The following PACS1 variants were observed in gnomAD, a reference collection of about 807,000 sequenced individuals.
PACS1 encodes PACS-1.
Under a neutral mutation model 115.0 loss-of-function variants are expected in PACS1, and 24 were observed. The observed-to-expected ratio is 0.21, with a 90% CI of 0.15 to 0.29. The LOEUF is 0.29. Among genes scored for constraint, PACS1 ranks in the 10% least tolerant of loss-of-function variants. PACS1 has a pLI of 1.00. For missense variants in PACS1, 838 were observed against 1,251.2 expected (o/e 0.67, Z 4.98); for synonymous variants, 453 against 504.5 (o/e 0.90, Z 1.37).
At chr11:66,217,998 G>A (rs1855252853) in intron 7 of PACS1, 1 of 175,862 alleles carries the variant, frequency 5.7e-6, no homozygotes, top group African/African-American at 2.4e-5. Context: ...TCCCCCAGAG[G>A]TGTTTCTTTT....
chr11:66,197,945 A>G (rs1327575586), intron 2 of PACS1, among the ~76,000 whole-genome samples: 2 of 152,262 alleles, frequency 1.3e-5, no homozygotes, highest in African/African-American at 2.4e-5. Flanking sequence ...TTGAGTCCAA[A>G]ATAGGAATGA....
In PACS1 at chr11:66,171,353, G is replaced by C. The variant is rs183981367; in HGVS notation, c.357-22133G>C. Among the ~76,000 whole-genome samples the C allele has an allele frequency of 2.7e-5, 4 of 150,146 alleles. No individual in the cohort carries two copies. The East Asian group carries it at 7.7e-4, about 29-fold the overall frequency. On this transcript the variant is annotated intron_variant, in intron 1 of 23. Coordinates refer to ENST00000320580, the MANE Select transcript of PACS1 (RefSeq NM_018026.4). ...AATCTTATGAAGAACATATAAGTAG[G>C]TTTTGTTTTATAAATCTAATCTATA...
intron 10 of PACS1, among the ~76,000 whole-genome samples, chr11:66,226,888 G>T (rs933357769): frequency 5.9e-5 from 9 of 152,172 alleles, no homozygotes; most frequent in African/African-American, 1.9e-4. Flanking sequence ...CGAAAATCTG[G>T]TTATGTGTCT....
intron 1 of PACS1, among the ~76,000 whole-genome samples, chr11:66,170,784 A>C (rs999415452): frequency 1.3e-5 from 2 of 148,708 alleles, no homozygotes; most frequent in Non-Finnish European, 2.9e-5. Flanking sequence ...GAAAAAAAAA[A>C]AAAAAAAAAT....
intron 1 of PACS1, among the ~76,000 whole-genome samples, chr11:66,156,810 G>C (rs1339843498): frequency 1.3e-5 from 2 of 150,770 alleles, no homozygotes; most frequent in South Asian, 4.2e-4. Flanking sequence ...CCGAGATGGC[G>C]CCACTGCACT....
At chr11:66,149,851 G>A (rs1208525056) in intron 1 of PACS1, among the ~76,000 whole-genome samples, 1 of 152,110 alleles carries the variant, frequency 6.6e-6, no homozygotes, top group Non-Finnish European at 1.5e-5. Flanking sequence ...CCAGGTTCAA[G>A]CAATTCTCCT....
intron 1 of PACS1, among the ~76,000 whole-genome samples, chr11:66,110,547 G>T (rs1002575288): frequency 1.3e-5 from 2 of 152,036 alleles, no homozygotes; most frequent in Non-Finnish European, 2.9e-5. Flanking sequence ...TGATAGAAAT[G>T]ATCCTTCTCT....
intron 2 of PACS1, among the ~76,000 whole-genome samples, chr11:66,193,995 G>A (rs1231599931): frequency 1.3e-5 from 2 of 152,102 alleles, no homozygotes; most frequent in African/African-American, 4.8e-5. Flanking sequence ...ACAGAGTCTC[G>A]CTCTGTCACC....
At chr11:66,241,311 C>T in intron 21 of PACS1, 116 bp from the exon 22 acceptor site, 1 of 701,474 alleles carries the variant, frequency 1.4e-6, no homozygotes, top group Non-Finnish European at 2.4e-6. Flanking sequence ...GGGAACAGAG[C>T]TGCAGCCTTC....
chr11:66,221,169 G>A lies in PACS1; in HGVS notation c.1215G>A (p.Gly405=). Residue 405 remains glycine, a synonymous_variant, in exon 10 of 24, where the codon GGG becomes GGA. Transcript: ENST00000320580. ...TTCACCACAGGCCTTTCTTTGAGGG[G>A]ATGTCGCAGTCCAGCTCCCAGACGG... ...PKPKLKPFFE[G]MSQSSSQTEI... The A allele has an allele frequency of 6.2e-7, 1 of 1,614,190 alleles. No individual in the cohort carries two copies. Among genetic ancestry groups the A allele is most frequent in the South Asian group, 1.1e-5 (1 of 91,084 alleles).
chr11:66,192,540 CAG>C (rs1281619115), intron 1 of PACS1, among the ~76,000 whole-genome samples: 6 of 152,208 alleles, frequency 3.9e-5, no homozygotes, highest in Non-Finnish European at 2.9e-5. Flanking sequence ...AGATGCAAGA[CAG>C]GGGCCTGAGC....
chr11:66,233,488 A>G lies in PACS1; in HGVS notation c.1839-297A>G, dbSNP rs758258993. On this transcript the variant is annotated intron_variant, in intron 15 of 23. Coordinates refer to ENST00000320580, the MANE Select transcript of PACS1 (RefSeq NM_018026.4). The surrounding 1 kb of genome is among the most constrained non-coding windows in gnomAD (Gnocchi z 4.5). ...TCCCTTGCCCTTGTGAAAGAGAACT[A>G]TGGATTCCAGGCCTGGGGGCACACA... Among the ~76,000 whole-genome samples the G allele has an allele frequency of 4.3e-4, 65 of 152,216 alleles. No individual in the cohort carries two copies. Among genetic ancestry groups the G allele is most frequent in the Admixed American group, 9.8e-4 (15 of 15,284 alleles).
intron 1 of PACS1, among the ~76,000 whole-genome samples, chr11:66,179,259 A>T (rs1442003915): frequency 6.6e-6 from 1 of 152,228 alleles, no homozygotes; most frequent in Non-Finnish European, 1.5e-5. Context: ...TTTTTCAGCC[A>T]TAACTCAAGT....
chr11:66,229,098 G>A (rs992705455), intron 11 of PACS1, among the ~76,000 whole-genome samples: 6 of 151,060 alleles, frequency 4.0e-5, no homozygotes, highest in Non-Finnish European at 8.8e-5. Context: ...GACTTGGCCA[G>A]GTGTGGTGGC....
chr11:66,162,115 T>G (rs1174315583), intron 1 of PACS1, among the ~76,000 whole-genome samples: 1 of 73,772 alleles, frequency 1.4e-5, no homozygotes, highest in Non-Finnish European at 2.7e-5. Context: ...GGTGGTGGTT[T>G]TTTTTTTTTT....
chr11:66,216,974 G>GTGT (rs1401940122), intron 7 of PACS1, 199 bp downstream of exon 7: 2 of 575,612 alleles, frequency 3.5e-6, no homozygotes, highest in Non-Finnish European at 6.2e-6. Context: ...ACTGATAAGA[G>GTGT]TGTTATATCC....
chr11:66,083,473 A>G (rs1207325086), intron 1 of PACS1, among the ~76,000 whole-genome samples: 2 of 152,222 alleles, frequency 1.3e-5, no homozygotes, highest in African/African-American at 4.8e-5. Flanking sequence ...GAAAAAGGAA[A>G]GTATCATCTC....
chr11:66,120,782 A>G (rs1044569527), intron 1 of PACS1, among the ~76,000 whole-genome samples: 1 of 152,214 alleles, frequency 6.6e-6, no homozygotes, highest in Non-Finnish European at 1.5e-5. Context: ...GCCACTCTAA[A>G]GTTTCATGGC....
intron 2 of PACS1, among the ~76,000 whole-genome samples, chr11:66,194,645 G>A (rs190889174): frequency 6.6e-6 from 1 of 152,258 alleles, no homozygotes; most frequent in East Asian, 1.9e-4. Context: ...GTGAGATTCT[G>A]CAGTGCCTCT....
Sources: allele counts gnomAD v4.1 joint callset (sites outside exome capture counted in the v4.1 genomes callset), GRCh38; gene constraint gnomAD v4.1.1; non-coding constraint Gnocchi (gnomAD v3.1); transcripts MANE v1.5; gene names NCBI Gene and HGNC (gene_info 2026-07-23, HGNC 2026-07-21).